The following ARHGAP17 variants were observed in gnomAD, a reference collection of about 807,000 sequenced individuals.
The protein encoded by ARHGAP17 is Rho GTPase activating protein 17, also known as rho GTPase-activating protein 17.
ARHGAP17 carries 57 observed loss-of-function variants against 99.5 expected under a neutral mutation model. That is an observed-to-expected ratio of 0.57 (90% CI 0.46 to 0.71). The LOEUF (loss-of-function observed/expected upper bound fraction) is 0.71. Among genes scored for constraint, ARHGAP17 ranks in the 30% least tolerant of loss-of-function variants. ARHGAP17 has a pLI of 0.00. For synonymous variants in ARHGAP17, 417 were observed against 429.6 expected, an observed-to-expected ratio of 0.97 and a Z score of 0.36; for missense variants, 1,000 against 1,122.4, an observed-to-expected ratio of 0.89 and a Z score of 1.56.
intron 1 of ARHGAP17, among the ~76,000 whole-genome samples, chr16:24,984,686 G>A (rs28622517): frequency 0.032 from 4,860 of 151,832 alleles, 270 homozygotes; most frequent in African/African-American, 0.11. Context: ...AATACACACT[G>A]AATGAATGAA....
At position 24,930,797 on chromosome 16, in the gene ARHGAP17, G is replaced by T; in HGVS notation, c.2502C>A (p.Ser834=). 6.2e-7 allele frequency: 1 copy of T among 1,614,196 alleles called. No homozygotes were observed. The change falls in exon 19 of 20, where the codon TCC becomes TCA. Residue 834 remains serine, a synonymous_variant. Coordinates refer to ENST00000289968, the MANE Select transcript of ARHGAP17 (RefSeq NM_001006634.3). ...TGTCCTACTTACCTGTTACTATCTT[G>T]GAAGCTGTTGGTGCTGTGTTGGTGA... ...SSLTNTAPTA[S]KIVTDSNSRV... is the part of the protein sequence containing the mutation.
intron 19 of ARHGAP17, among the ~76,000 whole-genome samples, chr16:24,921,156 G>A (rs1266450622): frequency 2.0e-5 from 3 of 152,174 alleles, no homozygotes; most frequent in East Asian, 3.9e-4. Flanking sequence ...TGCTGAGGAC[G>A]CAGCACTGAA....
chr16:24,993,147 C>T (rs1361128979), intron 1 of ARHGAP17, among the ~76,000 whole-genome samples: 2 of 152,110 alleles, frequency 1.3e-5, no homozygotes, highest in Non-Finnish European at 2.9e-5. Flanking sequence ...AGTTTCTTAA[C>T]ACCAAATTTC....
chr16:25,011,420 C>T (rs1215267113), intron 1 of ARHGAP17, among the ~76,000 whole-genome samples: 6 of 152,122 alleles, frequency 3.9e-5, no homozygotes, highest in Non-Finnish European at 7.4e-5. Context: ...AGAGTGGAAC[C>T]GAGGCCAGGC....
At chr16:24,928,384 T>G (rs1019194773) in intron 19 of ARHGAP17, among the ~76,000 whole-genome samples, 1 of 152,220 alleles carries the variant, frequency 6.6e-6, no homozygotes, top group South Asian at 2.1e-4. Flanking sequence ...ACATTTTTAA[T>G]GTAAAATTTC....
chr16:24,958,461 C>A (rs2051879472), intron 9 of ARHGAP17, among the ~76,000 whole-genome samples: 1 of 152,316 alleles, frequency 6.6e-6, no homozygotes, highest in Admixed American at 6.5e-5. Flanking sequence ...AAGGTGGGAA[C>A]ATTTTCCAGA....
At chr16:24,922,448 C>T (rs1046327316) in intron 19 of ARHGAP17, among the ~76,000 whole-genome samples, 6 of 152,270 alleles carry the variant, frequency 3.9e-5, no homozygotes, top group Non-Finnish European at 7.4e-5. Flanking sequence ...ATGATCCACA[C>T]ACATTATTAA....
intron 17 of ARHGAP17, 65 bp downstream of exon 17, chr16:24,939,299 G>A: frequency 1.4e-6 from 2 of 1,447,406 alleles, no homozygotes; most frequent in African/African-American, 1.4e-5. Context: ...CGTGCTCAAA[G>A]GCCACCACCT....
chr16:24,965,854 T>C (rs1298598757), intron 6 of ARHGAP17, among the ~76,000 whole-genome samples: 1 of 152,250 alleles, frequency 6.6e-6, no homozygotes, highest in Non-Finnish European at 1.5e-5. Flanking sequence ...CAGCATATGA[T>C]GTCTGGCATA....
intron 1 of ARHGAP17, among the ~76,000 whole-genome samples, chr16:24,997,827 T>G (rs182752517): frequency 9.2e-5 from 14 of 152,290 alleles, no homozygotes; most frequent in Admixed American, 9.2e-4. Context: ...AGGTCAGCTC[T>G]GGAAATGCTG....
At position 24,970,516 on chromosome 16, in the gene ARHGAP17, G is replaced by C. The variant is rs374143933; in HGVS notation, c.263C>G (p.Ser88Cys). Residue 88 changes from serine (S) to cysteine (C), a missense_variant, in exon 4 of 20, where the codon TCT becomes TGT. Physicochemically the swap from Ser to Cys is moderately radical, Grantham distance 112. Transcript: ENST00000289968. ...AGGCAGCAACTCTTACCCCAGGAGAGAGTCTTCCAGCTGAGTCGATGCTTC... is the reference window on the plus strand; with the variant it reads ...AGGCAGCAACTCTTACCCCAGGAGACAGTCTTCCAGCTGAGTCGATGCTTC... ...MQEASTQLED[S>C]LLGKMLETCG... 14 of 1,613,974 alleles carry C rather than the reference G, an allele frequency of 8.7e-6. No homozygotes were observed. The highest frequency in any genetic ancestry group is 4.4e-5 in the South Asian group (4 of 91,086).
At chr16:24,970,437 T>C (rs968748590) in intron 4 of ARHGAP17, 70 bp downstream of exon 4, 32 of 1,441,210 alleles carry the variant, frequency 2.2e-5, no homozygotes, top group Non-Finnish European at 2.9e-5. Flanking sequence ...AGGTCCTACA[T>C]ACACCACCTG....
chr16:24,999,230 G>A (rs929191692), intron 1 of ARHGAP17, among the ~76,000 whole-genome samples: 12 of 152,166 alleles, frequency 7.9e-5, no homozygotes, highest in Non-Finnish European at 1.6e-4. Flanking sequence ...TGTGATATCT[G>A]CTCATTAGAG....
chr16:25,014,438 A>G (rs901344417), intron 1 of ARHGAP17, among the ~76,000 whole-genome samples: 9 of 152,236 alleles, frequency 5.9e-5, no homozygotes, highest in Non-Finnish European at 1.2e-4. Flanking sequence ...CCTGCCATTT[A>G]ATAATCAATA....
intron 12 of ARHGAP17, among the ~76,000 whole-genome samples, chr16:24,950,848 A>AAAAAAAAAAAAAAAAAAAAAAC (rs2051617186): frequency 6.6e-6 from 1 of 151,344 alleles, no homozygotes; most frequent in African/African-American, 2.4e-5. Flanking sequence ...AAAAAAAAAA[A>AAAAAAAAAAAAAAAAAAAAAAC]AAAAAAAAAA....
At chr16:24,979,434 C>T (rs894599875) in intron 1 of ARHGAP17, among the ~76,000 whole-genome samples, 1 of 152,166 alleles carries the variant, frequency 6.6e-6, no homozygotes, top group African/African-American at 2.4e-5. Context: ...CACTGTTCTA[C>T]AGAAGCTTAA....
intron 19 of ARHGAP17, chr16:24,920,939 T>A (rs2050704667): frequency 6.6e-6 from 1 of 152,222 alleles, no homozygotes; most frequent in African/African-American, 2.4e-5. Context: ...AACACTAACA[T>A]CCCCTTGTCT....
chr16:24,922,130 G>A (rs1420873987), intron 19 of ARHGAP17, among the ~76,000 whole-genome samples: 1 of 152,178 alleles, frequency 6.6e-6, no homozygotes, highest in Non-Finnish European at 1.5e-5. Context: ...TGAAGACGAC[G>A]TATAAGAAAA....
Position 25,015,240 on chromosome 16 carries a change from T to C in ARHGAP17, c.22A>G (p.Met8Val). MKKQFNRMKQLANQTVGR... is the reference protein window; with the variant it reads MKKQFNRVKQLANQTVGR... The stretch of plus-strand genomic sequence containing the variant: ...ACGGTCTGGTTAGCCAGCTGCTTCA[T>C]GCGGTTGAACTGCTTCTTCATGGCG... Residue 8 changes from methionine (M) to valine (V), a missense_variant, in exon 1 of 20, where the codon ATG becomes GTG. This residue lies in a region of ARHGAP17 where 472 missense variants were observed against 611.1 expected (regional missense o/e 0.77). Coordinates refer to ENST00000289968, the MANE Select transcript of ARHGAP17 (RefSeq NM_001006634.3). 7.3e-7 allele frequency: 1 copy of C among 1,362,542 alleles called. No individual in the cohort carries two copies. The highest frequency in any genetic ancestry group is 2.9e-5 in the Admixed American group (1 of 33,972). 84.4% of individuals were successfully genotyped at this position (1,362,542 alleles called of 1,614,324 possible).
Sources: gnomAD v4.1 joint callset for allele counts (sites outside exome capture counted in the v4.1 genomes callset) on GRCh38, gnomAD v4.1.1 for gene constraint, gnomAD v4.1.1 regional missense constraint, MANE v1.5 for transcripts, NCBI Gene and HGNC (gene_info 2026-07-23, HGNC 2026-07-21) for gene names.